Variants in PCGF2 observed in about 807,000 individuals in gnomAD.
PCGF2 encodes polycomb group RING finger protein 2.
Under a neutral mutation model 36.1 loss-of-function variants are expected in PCGF2, and 8 were observed. That is an observed-to-expected ratio of 0.22 (90% CI 0.13 to 0.40). PCGF2 has a LOEUF of 0.40. Among genes scored for constraint, PCGF2 ranks in the 10% least tolerant of loss-of-function variants. The pLI, the probability that PCGF2 is intolerant of heterozygous loss-of-function variation, is 1.00. For missense variants in PCGF2, 436 were observed against 475.9 expected, an observed-to-expected ratio of 0.92 and a Z score of 0.78; for synonymous variants, 198 against 191.2, an observed-to-expected ratio of 1.04 and a Z score of -0.29.
rs567681914 is a variant in PCGF2, at chr17:38,738,668, T to C, written c.426-73A>G. Reference sequence around the variant, plus strand: ...GAGACCCAGGAGGATGATCCCTCAATGGACACATCCAGAGAGGGTCCTGGG... The same window carrying C: ...GAGACCCAGGAGGATGATCCCTCAACGGACACATCCAGAGAGGGTCCTGGG... On this transcript the variant is annotated intron_variant, in intron 7 of 10. Coordinates refer to ENST00000620225, the MANE Select transcript of PCGF2 (RefSeq NM_007144.3). 57 of 1,559,004 alleles carry C rather than the reference T, an allele frequency of 3.7e-5. No individual in the cohort carries two copies. In the African/African-American group the frequency reaches 7.2e-4, roughly 20 times the overall value.
At chr17:38,735,977 C>G in intron 10 of PCGF2, 113 bp downstream of exon 10, 1 of 770,278 alleles carries the variant, frequency 1.3e-6, no homozygotes, top group Non-Finnish European at 2.2e-6. Flanking sequence ...ACATGCAGCT[C>G]ATGGGATAAG....
chr17:38,744,810 C>G (rs1003764147), intron 2 of PCGF2, among the ~76,000 whole-genome samples: 1 of 152,204 alleles, frequency 6.6e-6, no homozygotes, highest in Non-Finnish European at 1.5e-5. Context: ...CTCCCTGCCT[C>G]CAAATGAAAT....
Position 38,735,312 on chromosome 17 carries a change from C to A in PCGF2, c.946G>T (p.Gly316Cys). 6.5e-7 allele frequency: 1 copy of A among 1,532,066 alleles called. No individual in the cohort carries two copies. Among genetic ancestry groups the A allele is most frequent in the African/African-American group, 1.4e-5 (1 of 73,532 alleles). The allele number at this position is 1,532,066 out of a possible 1,614,324, so 94.9% of individuals were successfully genotyped here. A position where few individuals can be genotyped will look rare whatever the true frequency, so the allele number is the denominator to read the frequency against. ...ASGATTAANGGSLNCLQTPSS... is the reference protein window; with the variant it reads ...ASGATTAANGCSLNCLQTPSS... ...GGTGTCTGCAGGCAGTTCAAGCTACCCCCGTTGGCAGCTGTGGTGGCCCCA... is the reference window on the plus strand; with the variant it reads ...GGTGTCTGCAGGCAGTTCAAGCTACACCCGTTGGCAGCTGTGGTGGCCCCA... The change falls in exon 11 of 11, where the codon GGT (glycine) becomes TGT (cysteine). Residue 316 changes from glycine to cysteine, a missense_variant. Around this residue, in one of 3 missense-constraint regions of PCGF2, gnomAD observed 227 missense variants for 212.9 expected, o/e 1.07. Coordinates refer to ENST00000620225, the MANE Select transcript of PCGF2 (RefSeq NM_007144.3).
chr17:38,740,333 ACC>A lies in PCGF2; in HGVS notation c.68_69del (p.Gly23ValfsTer34). Reference protein sequence around the residue: ...NPHLMCALCGGYFIDATTIVE... With the variant: ...NPHLMCALCGXYFIDATTIVE... ...ACGATAGTGGTGGCGTCGATGAAGT[ACC>A]CCCCGCAGAGGGCACACATGAGGTG... On this transcript the variant is annotated frameshift_variant, in exon 3 of 11. Coordinates refer to ENST00000620225, the MANE Select transcript of PCGF2 (RefSeq NM_007144.3). LOFTEE classifies it high-confidence loss of function. 6.9e-7 allele frequency: 1 copy of A among 1,451,878 alleles called. No individual in the cohort carries two copies. Among genetic ancestry groups the A allele is most frequent in the Non-Finnish European group, 9.2e-7 (1 of 1,081,366 alleles). The allele number at this position is 1,451,878 out of a possible 1,614,324, so 89.9% of individuals were successfully genotyped here.
chr17:38,746,189 A>T (rs960651970), intron 2 of PCGF2, among the ~76,000 whole-genome samples: 1 of 151,970 alleles, frequency 6.6e-6, no homozygotes, highest in African/African-American at 2.4e-5. Flanking sequence ...CAACTCCCTA[A>T]GATCAAACAA....
chr17:38,740,585 C>A (rs898124657), intron 2 of PCGF2, 143 bp from the exon 3 acceptor site: 14 of 582,852 alleles, frequency 2.4e-5, no homozygotes, highest in African/African-American at 3.8e-5. Context: ...TGGTGAAACC[C>A]CATCTCTACT....
At chr17:38,745,165 T>C (rs2143146509) in intron 2 of PCGF2, among the ~76,000 whole-genome samples, 1 of 152,336 alleles carries the variant, frequency 6.6e-6, no homozygotes, top group South Asian at 2.1e-4. Flanking sequence ...ACCCCGTCTC[T>C]ACTAAAAATA....
chr17:38,749,144 A>G (rs1364922888), upstream of PCGF2, among the ~76,000 whole-genome samples: 1 of 152,148 alleles, frequency 6.6e-6, no homozygotes, highest in Non-Finnish European at 1.5e-5. The surrounding 1 kb of genome is among the most constrained non-coding windows in gnomAD (Gnocchi z 6.5). Flanking sequence ...GGGACACAAT[A>G]ATCCGGCCGA....
intron 2 of PCGF2, among the ~76,000 whole-genome samples, chr17:38,742,270 T>G (rs1010267616): frequency 6.6e-6 from 1 of 152,136 alleles, no homozygotes; most frequent in African/African-American, 2.4e-5. Flanking sequence ...AACAGCTCCT[T>G]TACAACATAC....
At chr17:38,748,416 T>G (rs1006031), upstream of PCGF2, 10 of 149,504 alleles carry the variant, frequency 6.7e-5, 1 homozygote, top group Non-Finnish European at 1.5e-5. Context: ...GGAGACAAAA[T>G]GGCTTTTTTC....
intron 2 of PCGF2, among the ~76,000 whole-genome samples, chr17:38,745,686 T>A (rs1365345567): frequency 6.6e-6 from 1 of 152,058 alleles, no homozygotes; most frequent in Non-Finnish European, 1.5e-5. Flanking sequence ...GGCTCCTCAC[T>A]CATCTAAAGC....
rs1906758721 is a variant in PCGF2, at chr17:38,736,633, G to C, written c.577-463C>G. 4.6e-5 allele frequency among the ~76,000 whole-genome samples: 7 copies of C among 151,988 alleles called. No homozygotes were observed. In the South Asian group the frequency reaches 1.5e-3, roughly 32 times the overall value. On this transcript the variant is annotated intron_variant, in intron 9 of 10. Transcript: ENST00000620225. ...GCGGATCACAAGGTCAGGAGATCGA[G>C]ACCATCCTGGCTAACGTGGTGAAAC...
chr17:38,737,024 G>C (rs950636334), intron 9 of PCGF2, among the ~76,000 whole-genome samples: 1 of 152,034 alleles, frequency 6.6e-6, no homozygotes, highest in Non-Finnish European at 1.5e-5. Flanking sequence ...CCAGCTACTC[G>C]GGAGGCTAAG....
chr17:38,739,278 T>TA lies in PCGF2; in HGVS notation c.210-26_210-25insT. On this transcript the variant is annotated intron_variant, in intron 4 of 10. Transcript: ENST00000620225. The surrounding 1 kb of genome is among the most constrained non-coding windows in gnomAD (Gnocchi z 4.0). ...CCTGGGGAAAAATGGACAGGGCTTA[T>TA]CAGCAATGCCTTCTCCAGAGCGCTC... The TA allele has an allele frequency of 1.2e-6, 2 of 1,607,142 alleles. No individual in the cohort carries two copies. The highest frequency in any genetic ancestry group is 4.5e-5 in the East Asian group (2 of 44,832).
At chr17:38,749,680 C>T (rs903038865), upstream of PCGF2, 1 of 455,926 alleles carries the variant, frequency 2.2e-6, no homozygotes, top group Non-Finnish European at 4.4e-6. The surrounding 1 kb of genome is among the most constrained non-coding windows in gnomAD (Gnocchi z 6.5). Flanking sequence ...GAGCGCCTGC[C>T]TCCTCTTCCC....
At chr17:38,749,231 G>A (rs1984723), upstream of PCGF2, 37,869 of 178,194 alleles carry the variant, frequency 0.21, 4,964 homozygotes, top group Admixed American at 0.33. The surrounding 1 kb of genome is among the most constrained non-coding windows in gnomAD (Gnocchi z 6.5). Context: ...CCTGCCTGGC[G>A]CTGATTCCCG....
upstream of PCGF2, among the ~76,000 whole-genome samples, chr17:38,749,206 G>A (rs1343775861): frequency 2.0e-5 from 3 of 152,262 alleles, no homozygotes; most frequent in Non-Finnish European, 1.5e-5. This position sits in a 1 kb window ranked among gnomAD's most constrained non-coding sequence, Gnocchi z 6.5. Context: ...TGTAAGGTGG[G>A]CCCGCGCCTT....
chr17:38,748,992 G>A (rs1020710735), upstream of PCGF2, among the ~76,000 whole-genome samples: 1 of 152,196 alleles, frequency 6.6e-6, no homozygotes, highest in Non-Finnish European at 1.5e-5. Context: ...ATCGCGAGAG[G>A]GGAGTGGAGG....
Position 38,734,982 on chromosome 17 carries a change from A to T in PCGF2, c.*241T>A, listed in dbSNP as rs2078713642. On this transcript the variant is annotated 3_prime_UTR_variant, in exon 11 of 11. Coordinates refer to ENST00000620225, the MANE Select transcript of PCGF2 (RefSeq NM_007144.3). Reference sequence around the variant, plus strand: ...AAAAAATGAACACCATTTTCCACACATACACACACACATAAAGTTTGTTTC... The same window carrying T: ...AAAAAATGAACACCATTTTCCACACTTACACACACACATAAAGTTTGTTTC... 2.9e-6 allele frequency: 1 copy of T among 343,740 alleles called. No individual in the cohort carries two copies. Among genetic ancestry groups the T allele is most frequent in the Admixed American group, 4.6e-5 (1 of 21,618 alleles). 21.3% of individuals were successfully genotyped at this position (343,740 alleles called of 1,614,324 possible).
Sources: allele counts gnomAD v4.1 joint callset (sites outside exome capture counted in the v4.1 genomes callset), GRCh38; gene constraint gnomAD v4.1.1; regional missense constraint gnomAD v4.1.1; non-coding constraint Gnocchi (gnomAD v3.1); transcripts MANE v1.5; gene names NCBI Gene and HGNC (gene_info 2026-07-23, HGNC 2026-07-21).